Variants in PTPRG observed in about 807,000 individuals in gnomAD.
PTPRG encodes the protein protein tyrosine phosphatase receptor type G, also known as receptor-type tyrosine-protein phosphatase gamma.
In PTPRG, 102 loss-of-function variants were observed where a neutral mutation model predicts 165.3. That is an observed-to-expected ratio of 0.62 (90% CI 0.53 to 0.73). PTPRG has a LOEUF of 0.73. Among genes scored for constraint, PTPRG ranks in the 30% least tolerant of loss-of-function variants. The pLI, the probability that PTPRG is intolerant of heterozygous loss-of-function variation, is 0.00. For synonymous variants in PTPRG, 675 were observed against 669.5 expected (o/e 1.01, Z -0.13); for missense variants, 1,866 against 1,861.4 (o/e 1.00, Z -0.05).
chr3:61,895,288 G>T (rs555427945), intron 2 of PTPRG, among the ~76,000 whole-genome samples: 1 of 152,170 alleles, frequency 6.6e-6, no homozygotes, highest in Non-Finnish European at 1.5e-5. Context: ...TTCTTGGACC[G>T]TACTTTTAGG....
At chr3:61,940,326 C>T (rs2039588457) in intron 2 of PTPRG, among the ~76,000 whole-genome samples, 1 of 152,160 alleles carries the variant, frequency 6.6e-6, no homozygotes, top group Non-Finnish European at 1.5e-5. Context: ...ATAACCTTTC[C>T]TAGCAAAATA....
rs761975908 is a variant in PTPRG at position 62,203,746 on chromosome 3, G to A, written c.1951G>A (p.Val651Ile). Residue 651 changes from valine to isoleucine, a missense_variant, in exon 12 of 30, where the codon GTC (valine) becomes ATC (isoleucine). This residue lies in a region of PTPRG where 1,452 missense variants were observed against 1,463.0 expected (regional missense o/e 0.99). Coordinates refer to ENST00000474889, the MANE Select transcript of PTPRG (RefSeq NM_002841.4). This position sits in a 1 kb window ranked among gnomAD's most constrained non-coding sequence, Gnocchi z 6.4. ...IPGHEQDHTA[V>I]PTDQTGGRRD... Reference sequence around the variant, plus strand: ...TGGGCATGAGCAGGATCACACTGCCGTCCCCACAGACCAGACGGGCGGAAG... The same window carrying A: ...TGGGCATGAGCAGGATCACACTGCCATCCCCACAGACCAGACGGGCGGAAG... The A allele has an allele frequency of 2.3e-5, 37 of 1,603,966 alleles. No homozygotes were observed. Among genetic ancestry groups the A allele is most frequent in the Middle Eastern group, 1.6e-4 (1 of 6,076 alleles).
At chr3:61,648,416 A>G (rs2106974083) in intron 1 of PTPRG, among the ~76,000 whole-genome samples, 1 of 152,330 alleles carries the variant, frequency 6.6e-6, no homozygotes, top group East Asian at 1.9e-4. Context: ...GGTGGAAGAC[A>G]CCTAGCTTGC....
At chr3:61,628,138 G>A (rs897071902) in intron 1 of PTPRG, among the ~76,000 whole-genome samples, 2 of 152,164 alleles carry the variant, frequency 1.3e-5, no homozygotes, top group African/African-American at 4.8e-5. Flanking sequence ...ATATGTTGGA[G>A]TGCCGACTGT....
At chr3:62,072,373 A>G (rs1280680198) in intron 4 of PTPRG, among the ~76,000 whole-genome samples, 1 of 152,196 alleles carries the variant, frequency 6.6e-6, no homozygotes, top group Non-Finnish European at 1.5e-5. Context: ...AAATTATGCT[A>G]TATGATACTC....
intron 1 of PTPRG, among the ~76,000 whole-genome samples, chr3:61,701,316 A>G (rs1015129828): frequency 6.6e-6 from 1 of 152,162 alleles, no homozygotes; most frequent in African/African-American, 2.4e-5. Flanking sequence ...GGTATCTGAC[A>G]ACTCCTCAAT....
intron 5 of PTPRG, among the ~76,000 whole-genome samples, chr3:62,083,441 C>T (rs1701647113): frequency 6.6e-6 from 1 of 152,140 alleles, no homozygotes; most frequent in South Asian, 2.1e-4. Flanking sequence ...ATTACTTTTG[C>T]AGCAACCTAA....
intron 1 of PTPRG, among the ~76,000 whole-genome samples, chr3:61,618,152 T>A (rs1024591314): frequency 1.3e-5 from 2 of 152,198 alleles, no homozygotes; most frequent in Admixed American, 6.5e-5. Context: ...TAATAGTGGC[T>A]GGAATACAGG....
chr3:62,226,221 T>A (rs1700760657), intron 13 of PTPRG, among the ~76,000 whole-genome samples: 1 of 152,234 alleles, frequency 6.6e-6, no homozygotes, highest in African/African-American at 2.4e-5. Context: ...AGGAGTAGCA[T>A]GCCTGGTGGC....
intron 2 of PTPRG, among the ~76,000 whole-genome samples, chr3:61,895,153 G>A (rs2038319516): frequency 6.6e-6 from 1 of 152,050 alleles, no homozygotes; most frequent in Non-Finnish European, 1.5e-5. Flanking sequence ...GTTCTAACAG[G>A]GCTTCTGAAA....
At chr3:61,721,020 C>T (rs1306697564) in intron 1 of PTPRG, among the ~76,000 whole-genome samples, 3 of 152,182 alleles carry the variant, frequency 2.0e-5, no homozygotes, top group Non-Finnish European at 4.4e-5. Flanking sequence ...TCAGACATCT[C>T]TCTGGTGATT....
At chr3:62,000,332 A>G (rs1310028349) in intron 3 of PTPRG, among the ~76,000 whole-genome samples, 1 of 151,626 alleles carries the variant, frequency 6.6e-6, no homozygotes, top group Non-Finnish European at 1.5e-5. Flanking sequence ...TCCAAATGGT[A>G]TCTTATTGCT....
chr3:61,683,218 A>G (rs536462141), intron 1 of PTPRG, among the ~76,000 whole-genome samples: 2 of 152,320 alleles, frequency 1.3e-5, no homozygotes, highest in Middle Eastern at 3.4e-3. Context: ...GATCAGCACA[A>G]TGGCCGAAGA....
intron 12 of PTPRG, among the ~76,000 whole-genome samples, chr3:62,206,949 C>T (rs984350673): frequency 1.0e-4 from 15 of 148,564 alleles, no homozygotes; most frequent in Non-Finnish European, 2.2e-4. Flanking sequence ...AGAAGGACCT[C>T]CTCCTGAAAC....
In PTPRG at chr3:62,099,490, A is replaced by C. The variant is rs1431459657; in HGVS notation, c.615+21232A>C. 2.6e-5 allele frequency among the ~76,000 whole-genome samples: 4 copies of C among 152,206 alleles called. No individual in the cohort carries two copies. The East Asian group carries it at 7.7e-4, about 29-fold the overall frequency. On this transcript the variant is annotated intron_variant, in intron 5 of 29. Coordinates refer to ENST00000474889, the MANE Select transcript of PTPRG (RefSeq NM_002841.4). ...AATGCCCAACATTTTGGAAATTATT[A>C]AATAAATTAGGTCCATCCTGAAGTT... is the stretch of plus-strand genomic sequence containing the variant.
intron 2 of PTPRG, among the ~76,000 whole-genome samples, chr3:61,895,108 G>T (rs2038318221): frequency 6.6e-6 from 1 of 152,174 alleles, no homozygotes; most frequent in Non-Finnish European, 1.5e-5. Flanking sequence ...CTCCTCAGCA[G>T]GAAGAAGACA....
intron 2 of PTPRG, among the ~76,000 whole-genome samples, chr3:61,947,787 A>C (rs1047673507): frequency 5.3e-5 from 8 of 152,192 alleles, no homozygotes; most frequent in Non-Finnish European, 1.0e-4. Context: ...AATTTCTTGC[A>C]AAAGTCTTAT....
chr3:61,632,589 AG>A (rs1016586122), intron 1 of PTPRG, among the ~76,000 whole-genome samples: 4 of 152,188 alleles, frequency 2.6e-5, no homozygotes, highest in African/African-American at 9.6e-5. Context: ...AGCCATTGTC[AG>A]TTTGCAAAGA....
At chr3:61,945,560 C>CAAAAAAAAAAAAAAAAAAAAA (rs71123242) in intron 2 of PTPRG, among the ~76,000 whole-genome samples, 1 of 55,462 alleles carries the variant, frequency 1.8e-5, no homozygotes, top group Admixed American at 2.8e-4. Flanking sequence ...ACTCCGTCAC[C>CAAAAAAAAAAAAAAAAAAAAA]AAAAAAAAAA....
Sources: gnomAD v4.1 joint callset for allele counts (sites outside exome capture counted in the v4.1 genomes callset) on GRCh38, gnomAD v4.1.1 for gene constraint, gnomAD v4.1.1 regional missense constraint, Gnocchi (gnomAD v3.1) non-coding constraint, MANE v1.5 for transcripts, NCBI Gene and HGNC (gene_info 2026-07-23, HGNC 2026-07-21) for gene names.